Variants in FAT3 observed in about 807,000 individuals in gnomAD.
FAT3 encodes the protein protocadherin Fat 3.
Under a neutral mutation model 310.2 loss-of-function variants are expected in FAT3, and 95 were observed. The ratio of observed to expected loss-of-function variants is 0.31; its 90% CI spans 0.26 to 0.36. The LOEUF is 0.36. FAT3 is among the 10% of genes least tolerant of loss of function. The probability of loss-of-function intolerance (pLI) is 1.00; values close to 1 mark genes in which losing one functional copy is unlikely to be tolerated. For synonymous variants in FAT3, 2,314 were observed against 2,192.9 expected (o/e 1.06, Z -1.54); for missense variants, 5,408 against 5,715.6 (o/e 0.95, Z 1.74).
At chr11:92,680,224 T>A (rs1250378873) in intron 3 of FAT3, among the ~76,000 whole-genome samples, 1 of 152,160 alleles carries the variant, frequency 6.6e-6, no homozygotes, top group Non-Finnish European at 1.5e-5. Flanking sequence ...TTTCTTCTAG[T>A]ATTTTTATAA....
intron 3 of FAT3, among the ~76,000 whole-genome samples, chr11:92,579,298 A>G (rs1433815173): frequency 6.6e-6 from 1 of 152,092 alleles, no homozygotes; most frequent in Admixed American, 6.6e-5. Context: ...TGAGAGAAAT[A>G]TGGGAGGCAG....
At chr11:92,809,730 A>G in intron 12 of FAT3, 113 bp from the exon 13 acceptor site, 1 of 765,576 alleles carries the variant, frequency 1.3e-6, no homozygotes, top group Non-Finnish European at 2.1e-6. Context: ...CTTGGGCCAA[A>G]TGATGTTAGT....
chr11:92,707,559 A>C (rs890128217), intron 4 of FAT3, among the ~76,000 whole-genome samples: 4 of 152,098 alleles, frequency 2.6e-5, no homozygotes, highest in Non-Finnish European at 4.4e-5. Context: ...AGAGGTTAGG[A>C]GTTTCCTGCA....
rs1184281719 is a variant in FAT3, at chr11:92,512,851, G to A, written c.3293-11783G>A. Among the ~76,000 whole-genome samples the A allele has an allele frequency of 3.7e-3, 236 of 64,340 alleles. 4 individuals are homozygous for A. Among genetic ancestry groups the A allele is most frequent in the African/African-American group, 0.016 (217 of 13,992 alleles). The allele number at this position is 64,340 out of a possible 152,430, so 42.2% of individuals were successfully genotyped here. On this transcript the variant is annotated intron_variant, in intron 2 of 27. Transcript: ENST00000525166. ...TAAGTTAAGATTATCGGCCGGGCGC[G>A]GTGGCTCACGCCTGTAATCCCAGCA...
rs745585787 is a variant in FAT3 at position 92,844,206 on chromosome 11, C to A, written c.10839C>A (p.Ser3613Arg). 6.8e-6 allele frequency: 11 copies of A among 1,613,876 alleles called. No individual in the cohort carries two copies. The Admixed American group carries it at 1.0e-4, about 15-fold the overall frequency. ...TCATCGCCCTGGGAGGCCTGGACAG[C>A]GGCAAGTATGTCCTGAATGTGTCTG... ...GKIIALGGLDSGKYVLNVSVS... is the reference protein window; with the variant it reads ...GKIIALGGLDRGKYVLNVSVS... The change falls in exon 19 of 28, where the codon AGC becomes AGA. Residue 3613 changes from serine (S) to arginine (R), a missense_variant. By Grantham distance (110) the Ser-to-Arg change is moderately radical. Transcript: ENST00000525166.
intron 1 of FAT3, among the ~76,000 whole-genome samples, chr11:92,315,502 TATATATATATAGAG>T (rs1296878142): frequency 0.012 from 1,105 of 91,510 alleles, 7 homozygotes; most frequent in African/African-American, 0.02. Context: ...TATATATATA[TATATATATATAGAG>T]AGAGAGAGAG....
chr11:92,559,118 T>A (rs1373779414), intron 3 of FAT3, among the ~76,000 whole-genome samples: 1 of 152,190 alleles, frequency 6.6e-6, no homozygotes, highest in Admixed American at 6.5e-5. Context: ...TTTTGTTATT[T>A]GTGTGTGCAT....
intron 2 of FAT3, among the ~76,000 whole-genome samples, chr11:92,474,422 G>A (rs1357129166): frequency 1.3e-5 from 2 of 152,126 alleles, no homozygotes; most frequent in African/African-American, 4.8e-5. Flanking sequence ...AAATAATTCT[G>A]GGCTTGGGAG....
chr11:92,732,676 A>G (rs1197232670), intron 4 of FAT3, among the ~76,000 whole-genome samples: 2 of 152,244 alleles, frequency 1.3e-5, no homozygotes, highest in Non-Finnish European at 1.5e-5. Flanking sequence ...CATATTTGTT[A>G]CATGGGAATA....
chr11:92,780,177 T>TC (rs397849402), intron 7 of FAT3, among the ~76,000 whole-genome samples: 1 of 150,598 alleles, frequency 6.6e-6, no homozygotes, highest in Non-Finnish European at 1.5e-5. Flanking sequence ...TTTTTTTTTT[T>TC]CCAGGACAGG....
chr11:92,242,162 C>G (rs1386538086), intron 1 of FAT3, among the ~76,000 whole-genome samples: 3 of 152,038 alleles, frequency 2.0e-5, no homozygotes, highest in African/African-American at 7.2e-5. Context: ...GGATTTGACT[C>G]TTTTCAAGGA....
intron 3 of FAT3, among the ~76,000 whole-genome samples, chr11:92,556,143 G>C (rs894810822): frequency 1.3e-5 from 2 of 152,200 alleles, no homozygotes; most frequent in African/African-American, 4.8e-5. Context: ...TCAGTTTACT[G>C]TAGAGGGCTG....
intron 3 of FAT3, among the ~76,000 whole-genome samples, chr11:92,566,926 T>G (rs1955475811): frequency 6.6e-6 from 1 of 151,972 alleles, no homozygotes; most frequent in African/African-American, 2.4e-5. Context: ...CCTAAAACCA[T>G]AAAAACCGTA....
At chr11:92,441,557 A>G (rs1373379012) in intron 2 of FAT3, among the ~76,000 whole-genome samples, 1 of 152,204 alleles carries the variant, frequency 6.6e-6, no homozygotes, top group Non-Finnish European at 1.5e-5. Flanking sequence ...CTGGCCTTTA[A>G]TATCAGGCTT....
intron 6 of FAT3, among the ~76,000 whole-genome samples, chr11:92,766,361 G>T (rs1946310657): frequency 6.6e-6 from 1 of 152,212 alleles, no homozygotes; most frequent in Non-Finnish European, 1.5e-5. Context: ...GAGAGAGTCG[G>T]TCTGGGGGAA....
At chr11:92,609,195 AGTG>A in intron 3 of FAT3, among the ~76,000 whole-genome samples, 1 of 152,220 alleles carries the variant, frequency 6.6e-6, no homozygotes, top group Admixed American at 6.5e-5. Context: ...TCAGAACTCT[AGTG>A]AACTTGGACA....
At chr11:92,430,809 C>T (rs1950750108) in intron 2 of FAT3, among the ~76,000 whole-genome samples, 1 of 152,036 alleles carries the variant, frequency 6.6e-6, no homozygotes, top group African/African-American at 2.4e-5. Flanking sequence ...TGGTTTCCAG[C>T]CTCATCCATG....
In FAT3 at chr11:92,556,263, A is replaced by G. The variant is rs115435408; in HGVS notation, c.3607+31315A>G. Among the ~76,000 whole-genome samples, 1,206 of 152,174 alleles carry G rather than the reference A, an allele frequency of 7.9e-3. 14 individuals are homozygous for G. Among genetic ancestry groups the G allele is most frequent in the African/African-American group, 0.028 (1,147 of 41,514 alleles). ...CAGGCTCTTCTTTTAAATTTTTGCT[A>G]TTCTTTTAGCTGTTATCTACCAGAC... On this transcript the variant is annotated intron_variant, in intron 3 of 27. Transcript: ENST00000525166.
rs770864190 is a variant in FAT3, at chr11:92,524,636, G to A, written c.3295G>A (p.Val1099Ile). ...AACACTTCTCTTTTTTGTCTCAGGG[G>A]TCATCACTGCCGCAGACATTCTTGA... is the stretch of plus-strand genomic sequence containing the variant. ...GRFSIDDESG[V>I]ITAADILDRE... Residue 1099 changes from valine to isoleucine, a missense_variant and splice_region_variant, in exon 3 of 28, where the codon GTC (valine) becomes ATC (isoleucine). Physicochemically the swap from Val to Ile is conservative, Grantham distance 29. Transcript: ENST00000525166. 6.2e-7 allele frequency: 1 copy of A among 1,610,550 alleles called. No homozygotes were observed. The highest frequency in any genetic ancestry group is 1.7e-5 in the Admixed American group (1 of 59,694).
Sources: allele counts gnomAD v4.1 joint callset (sites outside exome capture counted in the v4.1 genomes callset), GRCh38; gene constraint gnomAD v4.1.1; transcripts MANE v1.5; gene names NCBI Gene and HGNC (gene_info 2026-07-23, HGNC 2026-07-21).